TXNL4A: variants seen among roughly 807,000 people sequenced by gnomAD.
The protein encoded by TXNL4A is thioredoxin like 4A.
In TXNL4A, 17 loss-of-function variants were observed where a neutral mutation model predicts 14.6. The ratio of observed to expected loss-of-function variants is 1.16; its 90% CI spans 0.80 to 1.74. The LOEUF (loss-of-function observed/expected upper bound fraction) is 1.74. TXNL4A is among the 40% of genes most tolerant of loss of function. The pLI is 0.00. For missense variants in TXNL4A, 74 were observed against 195.2 expected (o/e 0.38, Z 3.70); for synonymous variants, 83 against 70.6 (o/e 1.18, Z -0.88).
rs2051338448 is a variant in TXNL4A at position 79,973,861 on chromosome 18, A to G, written c.258-5T>C. 2 of 1,612,884 alleles carry G rather than the reference A, an allele frequency of 1.2e-6. No individual in the cohort carries two copies. Among genetic ancestry groups the G allele is most frequent in the East Asian group, 4.5e-5 (2 of 44,874 alleles). The stretch of plus-strand genomic sequence containing the variant: ...TCAATCATGATGTGCTTGTTCCTGC[A>G]ACGAGAAACAAGGGCATCCATTCTC... On this transcript the variant is annotated splice_region_variant and splice_polypyrimidine_tract_variant and intron_variant, in intron 2 of 2. Transcript: ENST00000269601.
chr18:80,016,629 A>C (rs990122857), intron 1 of TXNL4A, among the ~76,000 whole-genome samples: 22 of 152,100 alleles, frequency 1.4e-4, no homozygotes, highest in African/African-American at 2.4e-4. Flanking sequence ...AATCCTTTCC[A>C]CATTGCTTGT....
intron 1 of TXNL4A, among the ~76,000 whole-genome samples, chr18:79,984,494 G>A (rs569339798): frequency 1.7e-3 from 257 of 152,338 alleles, no homozygotes; most frequent in African/African-American, 5.6e-3. Flanking sequence ...TACTCAGGAG[G>A]CTGAGGTTGC....
Position 79,973,873 on chromosome 18 carries a change from G to A in TXNL4A, c.258-17C>T, listed in dbSNP as rs1166515037. 6.2e-7 allele frequency: 1 copy of A among 1,611,764 alleles called. No homozygotes were observed. The highest frequency in any genetic ancestry group is 8.5e-7 in the Non-Finnish European group (1 of 1,179,016). On this transcript the variant is annotated splice_polypyrimidine_tract_variant and intron_variant, in intron 2 of 2. Transcript: ENST00000269601. ...TGCTTGTTCCTGCAACGAGAAACAA[G>A]GGCATCCATTCTCATAGAAGTCTCT...
chr18:80,010,628 G>A (rs1398384642), intron 1 of TXNL4A, among the ~76,000 whole-genome samples: 1 of 152,232 alleles, frequency 6.6e-6, no homozygotes, highest in African/African-American at 2.4e-5. Context: ...TCTATACAAA[G>A]GACGAAGGCA....
Position 79,975,731 on chromosome 18 carries a change from C to T in TXNL4A, c.257+1867G>A, listed in dbSNP as rs570388930. ...AAGGGGACCCCCGTTACAGAGTGGC[C>T]GAGGAACAGGGACACGGGGTCCGCA... On this transcript the variant is annotated intron_variant, in intron 2 of 2. Transcript: ENST00000269601. 1.6e-4 allele frequency among the ~76,000 whole-genome samples: 24 copies of T among 152,028 alleles called. 1 individual carries two copies. In the Middle Eastern group the frequency reaches 0.01, roughly 65 times the overall value.
intron 1 of TXNL4A, among the ~76,000 whole-genome samples, chr18:79,997,130 G>C (rs2051668120): frequency 6.6e-6 from 1 of 152,108 alleles, no homozygotes; most frequent in Non-Finnish European, 1.5e-5. Flanking sequence ...GTTAACTCCA[G>C]AAGTGGAGCA....
intron 1 of TXNL4A, among the ~76,000 whole-genome samples, chr18:80,019,520 T>C (rs1026350338): frequency 2.0e-5 from 3 of 152,144 alleles, no homozygotes; most frequent in Non-Finnish European, 4.4e-5. Flanking sequence ...AGCCAAACCA[T>C]ATCAAGGACC....
At chr18:79,998,973 G>A (rs2051680481) in intron 1 of TXNL4A, among the ~76,000 whole-genome samples, 1 of 152,084 alleles carries the variant, frequency 6.6e-6, no homozygotes, top group Admixed American at 6.6e-5. Context: ...AAGAGGAGAG[G>A]ATGGAAATTT....
At position 79,982,576 on chromosome 18, in the gene TXNL4A, A is replaced by G. The variant is rs998236673; in HGVS notation, c.154-4875T>C. On this transcript the variant is annotated intron_variant, in intron 1 of 2. Coordinates refer to ENST00000269601, the MANE Select transcript of TXNL4A (RefSeq NM_006701.5). The surrounding 1 kb of genome is among the most constrained non-coding windows in gnomAD (Gnocchi z 4.0). ...GCCAAGGAGGCAGTCTCAGAAACCA[A>G]GGCAGGAGACTCCGGGGAGCTGTGC... Among the ~76,000 whole-genome samples, 4 of 152,196 alleles carry G rather than the reference A, an allele frequency of 2.6e-5. No individual in the cohort carries two copies. Among genetic ancestry groups the G allele is most frequent in the African/African-American group, 9.7e-5 (4 of 41,446 alleles).
Position 79,988,562 on chromosome 18 carries a change from C to G in TXNL4A, c.-170G>C. The G allele has an allele frequency of 3.0e-6, 2 of 666,972 alleles. No individual in the cohort carries two copies. Among genetic ancestry groups the G allele is most frequent in the Non-Finnish European group, 4.2e-6 (2 of 472,870 alleles). The allele number at this position is 666,972 out of a possible 1,614,324, so 41.3% of individuals were successfully genotyped here. A position where few individuals can be genotyped will look rare whatever the true frequency, so the allele number is the denominator to read the frequency against. On this transcript the variant is annotated 5_prime_UTR_variant, in exon 1 of 3. Transcript: ENST00000269601. ...CTGGGACTGCCACCCGGCAGAACGT[C>G]TGGGCGCGCACGCACCGACGCCGTG...
intron 1 of TXNL4A, among the ~76,000 whole-genome samples, chr18:79,985,224 G>C (rs118065781): frequency 2.6e-5 from 4 of 152,038 alleles, no homozygotes; most frequent in African/African-American, 9.7e-5. Context: ...AAATTGTCTC[G>C]CTTCAAAACT....
chr18:80,014,678 T>G (rs1357546997), intron 1 of TXNL4A, among the ~76,000 whole-genome samples: 1 of 152,198 alleles, frequency 6.6e-6, no homozygotes, highest in Non-Finnish European at 1.5e-5. Context: ...AAACTGTCAG[T>G]GGATCTACCA....
At chr18:79,977,968 C>T (rs1159422420) in intron 1 of TXNL4A, 2 of 414,650 alleles carry the variant, frequency 4.8e-6, no homozygotes, top group East Asian at 4.1e-5. Flanking sequence ...CACTCCTGGC[C>T]AACGGGGCAA....
chr18:80,000,949 AAT>A (rs1407896329), intron 1 of TXNL4A, among the ~76,000 whole-genome samples: 13 of 152,304 alleles, frequency 8.5e-5, no homozygotes, highest in African/African-American at 3.1e-4. Flanking sequence ...CAAGGAGCCA[AAT>A]GTTAGTCACC....
chr18:79,986,628 C>T, intron 1 of TXNL4A: 1 of 985,462 alleles, frequency 1.0e-6, no homozygotes, highest in South Asian at 4.7e-5. Flanking sequence ...TGTTTTCTAG[C>T]TAAGAGCATC....
At position 80,011,383 on chromosome 18, in the gene TXNL4A, G is replaced by A. The variant is rs1442240797; in HGVS notation, c.-61+22468C>T. ...TCCAGAAACAGCATGTTTTATTTAA[G>A]AGTGCACAGGCGCCCACTACTTCAG... On this transcript the variant is annotated intron_variant, in intron 1 of 2. Transcript: ENST00000585474. The surrounding 1 kb of genome is among the most constrained non-coding windows in gnomAD (Gnocchi z 4.1). Among the ~76,000 whole-genome samples, 6 of 152,118 alleles carry A rather than the reference G, an allele frequency of 3.9e-5. No homozygotes were observed. The highest frequency in any genetic ancestry group is 1.2e-4 in the African/African-American group (5 of 41,424).
chr18:79,972,888 A>T lies in TXNL4A; in HGVS notation c.*797T>A, dbSNP rs969338667. On this transcript the variant is annotated 3_prime_UTR_variant, in exon 3 of 3. Coordinates refer to ENST00000269601, the MANE Select transcript of TXNL4A (RefSeq NM_006701.5). ...CCTATTCCTTACAGGGAAGGCTATA[A>T]ACAATATTTTATTGTACTGTTTTTA... 9.9e-5 allele frequency: 15 copies of T among 152,218 alleles called. No individual in the cohort carries two copies. The highest frequency in any genetic ancestry group is 3.6e-4 in the African/African-American group (15 of 41,464). 9.4% of individuals were successfully genotyped at this position (152,218 alleles called of 1,614,324 possible).
intron 1 of TXNL4A, among the ~76,000 whole-genome samples, chr18:80,026,807 G>C (rs1324303617): frequency 1.3e-5 from 2 of 152,052 alleles, no homozygotes; most frequent in African/African-American, 4.8e-5. Flanking sequence ...CATCCATAAT[G>C]CCGACATATC....
At chr18:80,021,963 G>A (rs958901161) in intron 1 of TXNL4A, among the ~76,000 whole-genome samples, 1 of 150,270 alleles carries the variant, frequency 6.7e-6, no homozygotes, top group African/African-American at 2.4e-5. Flanking sequence ...GGAGCCATAA[G>A]GATGGTGGCT....
Sources: gnomAD v4.1 joint callset for allele counts (sites outside exome capture counted in the v4.1 genomes callset) on GRCh38, gnomAD v4.1.1 for gene constraint, Gnocchi (gnomAD v3.1) non-coding constraint, MANE v1.5 for transcripts, NCBI Gene and HGNC (gene_info 2026-07-23, HGNC 2026-07-21) for gene names.